SYNC: variants seen among roughly 807,000 people sequenced by gnomAD.
SYNC encodes syncoilin, intermediate filament protein, also known as syncoilin.
Under a neutral mutation model 49.5 loss-of-function variants are expected in SYNC, and 38 were observed. The ratio of observed to expected loss-of-function variants is 0.77; its 90% CI spans 0.59 to 1.01. The LOEUF (loss-of-function observed/expected upper bound fraction) is 1.01, where lower values mean the gene tolerates loss of function less well. Among genes scored for constraint, SYNC ranks in the 50% least tolerant of loss-of-function variants. SYNC has a pLI of 0.00. For missense variants in SYNC, 579 were observed against 580.6 expected, an observed-to-expected ratio of 1.00 and a Z score of 0.03; for synonymous variants, 201 against 230.8, an observed-to-expected ratio of 0.87 and a Z score of 1.17.
chr1:32,687,217 C>A (rs376886371), intron 2 of SYNC, among the ~76,000 whole-genome samples: 11 of 151,784 alleles, frequency 7.2e-5, no homozygotes, highest in African/African-American at 2.7e-4. Flanking sequence ...AAAAATTAGC[C>A]GGGCGTGGTG....
intron 1 of SYNC, among the ~76,000 whole-genome samples, chr1:32,698,512 CTG>C (rs1024750266): frequency 2.6e-5 from 4 of 152,034 alleles, no homozygotes; most frequent in African/African-American, 7.2e-5. Context: ...AAACCAAACT[CTG>C]TATCAAAAAA....
chr1:32,685,383 TAAGG>T (rs1649753524), intron 2 of SYNC: 1 of 152,284 alleles, frequency 6.6e-6, no homozygotes. Flanking sequence ...CATGGATCCT[TAAGG>T]AAGCAGGAGG....
intron 4 of SYNC, 190 bp from the exon 5 acceptor site, chr1:32,682,050 C>T (rs1477384803): frequency 1.7e-5 from 10 of 575,564 alleles, no homozygotes; most frequent in African/African-American, 1.3e-4. Flanking sequence ...GATAGTTAAA[C>T]GTTTTCTCTG....
Position 32,680,699 on chromosome 1 carries a change from C to T in SYNC, c.*1151G>A. ...TTTAGTATAAAACATCCATCAAACA[C>T]CAGTCTCTGGCTTCTAGAAGAGTCC... On this transcript the variant is annotated 3_prime_UTR_variant, in exon 5 of 5. Transcript: ENST00000409190. The T allele has an allele frequency of 1.5e-6, 1 of 657,778 alleles. No homozygotes were observed. Among genetic ancestry groups the T allele is most frequent in the Non-Finnish European group, 2.5e-6 (1 of 398,048 alleles). 40.7% of individuals were successfully genotyped at this position (657,778 alleles called of 1,614,324 possible).
chr1:32,700,739 TTTTATA>T (rs1279427092), intron 1 of SYNC, among the ~76,000 whole-genome samples: 1 of 152,064 alleles, frequency 6.6e-6, no homozygotes, highest in Non-Finnish European at 1.5e-5. Flanking sequence ...ATTATCTCCA[TTTTATA>T]GATGAGGAAG....
intron 4 of SYNC, 23 bp from the exon 5 acceptor site, chr1:32,681,883 T>A: frequency 6.2e-7 from 1 of 1,608,862 alleles, no homozygotes; most frequent in East Asian, 2.2e-5. Context: ...AAGAAAAAGT[T>A]TATAACAGTG....
chr1:32,683,928 CG>C, intron 4 of SYNC, 81 bp downstream of exon 4: 2 of 1,411,972 alleles, frequency 1.4e-6, no homozygotes, highest in Non-Finnish European at 2.0e-6. Context: ...CCACCCCGTC[CG>C]GCCTGTTTTT....
At chr1:32,682,121 G>A in intron 4 of SYNC, 1 of 460,452 alleles carries the variant, frequency 2.2e-6, no homozygotes, top group South Asian at 2.6e-5. Context: ...TCATTTCTTT[G>A]GATTAGTCGT....
chr1:32,694,513 G>A (rs1650310219), intron 2 of SYNC, among the ~76,000 whole-genome samples: 1 of 152,036 alleles, frequency 6.6e-6, no homozygotes, highest in Admixed American at 6.6e-5. Flanking sequence ...AAATAGCCGG[G>A]CATGGTGGTG....
rs948153814 is a variant in SYNC at position 32,681,300 on chromosome 1, C to T, written c.*550G>A. ...GAGTATAGTGAGAAATACCTTGACA[C>T]AATTTTAAGAGTAAACTATATGGGT... On this transcript the variant is annotated 3_prime_UTR_variant, in exon 5 of 5. Coordinates refer to ENST00000409190, the MANE Select transcript of SYNC (RefSeq NM_030786.3). 6.5e-6 allele frequency: 1 copy of T among 152,794 alleles called. No individual in the cohort carries two copies. Among genetic ancestry groups the T allele is most frequent in the South Asian group, 2.1e-4 (1 of 4,874 alleles). 9.5% of individuals were successfully genotyped at this position (152,794 alleles called of 1,614,324 possible). A position where few individuals can be genotyped will look rare whatever the true frequency, so the allele number is the denominator to read the frequency against.
intron 2 of SYNC, among the ~76,000 whole-genome samples, chr1:32,694,158 G>A (rs1650294922): frequency 1.3e-5 from 2 of 152,052 alleles, no homozygotes; most frequent in Non-Finnish European, 2.9e-5. Flanking sequence ...AGCCCAAGAG[G>A]TTTGAGGTGC....
intron 2 of SYNC, among the ~76,000 whole-genome samples, chr1:32,693,350 G>A (rs938168296): frequency 6.6e-6 from 1 of 152,174 alleles, no homozygotes; most frequent in Admixed American, 6.5e-5. Context: ...CAACCAAAGT[G>A]CTGGGATTAC....
chr1:32,695,341 A>T lies in SYNC; in HGVS notation c.757T>A (p.Cys253Ser). The change falls in exon 2 of 5, where the codon TGT becomes AGT. Residue 253 changes from cysteine (C) to serine (S), a missense_variant. Coordinates refer to ENST00000409190, the MANE Select transcript of SYNC (RefSeq NM_030786.3). ...TCCAGCTGGTATTGGTAGGCCACAC[A>T]TTCCTTTGTCACTTTGAAAAGCTTC... ...KQKLFKVTKE[C>S]VAYQYQLECR... is the part of the protein sequence containing the mutation. The T allele has an allele frequency of 6.4e-7, 1 of 1,551,454 alleles. No individual in the cohort carries two copies. The highest frequency in any genetic ancestry group is 8.7e-7 in the Non-Finnish European group (1 of 1,147,038).
intron 2 of SYNC, 146 bp downstream of exon 2, chr1:32,694,719 A>C: frequency 1.3e-6 from 1 of 757,050 alleles, no homozygotes. Context: ...GAATGAATGA[A>C]GAATGGAGAA....
chr1:32,687,356 C>T (rs548239924), intron 2 of SYNC, among the ~76,000 whole-genome samples: 43 of 58,626 alleles, frequency 7.3e-4, no homozygotes, highest in African/African-American at 2.5e-3. Flanking sequence ...AGCGAGACTT[C>T]ATCTCAAAAA....
intron 2 of SYNC, among the ~76,000 whole-genome samples, chr1:32,689,113 A>AT (rs1377545583): frequency 7.0e-6 from 1 of 143,070 alleles, no homozygotes; most frequent in Non-Finnish European, 1.5e-5. Context: ...TAATTTTTGT[A>AT]TTTTTTAGTA....
At position 32,680,122 on chromosome 1, in the gene SYNC, A is replaced by G. The variant is rs1436559945; in HGVS notation, c.*1728T>C. On this transcript the variant is annotated 3_prime_UTR_variant, in exon 5 of 5. Coordinates refer to ENST00000409190, the MANE Select transcript of SYNC (RefSeq NM_030786.3). ...GAAAGATGTCACTTTTATTCAGGAAATAGGGGGAGATTCAAGTCATATAGA... is the reference window on the plus strand; with the variant it reads ...GAAAGATGTCACTTTTATTCAGGAAGTAGGGGGAGATTCAAGTCATATAGA... 2 of 1,067,774 alleles carry G rather than the reference A, an allele frequency of 1.9e-6. No homozygotes were observed. Among genetic ancestry groups the G allele is most frequent in the Non-Finnish European group, 2.3e-6 (2 of 884,256 alleles). The allele number at this position is 1,067,774 out of a possible 1,614,324, so 66.1% of individuals were successfully genotyped here. A position where few individuals can be genotyped will look rare whatever the true frequency, so the allele number is the denominator to read the frequency against.
chr1:32,682,489 T>G (rs988654565), intron 4 of SYNC: 1 of 151,964 alleles, frequency 6.6e-6, no homozygotes, highest in Admixed American at 6.6e-5. Context: ...TAGTTACTTG[T>G]GGGCCAGGCG....
chr1:32,686,686 A>G (rs1404142730), intron 2 of SYNC, among the ~76,000 whole-genome samples: 1 of 152,222 alleles, frequency 6.6e-6, no homozygotes, highest in Non-Finnish European at 1.5e-5. Context: ...ATGTATAGTC[A>G]TGGAATTGTG....
Sources: gnomAD v4.1 joint callset for allele counts (sites outside exome capture counted in the v4.1 genomes callset) on GRCh38, gnomAD v4.1.1 for gene constraint, MANE v1.5 for transcripts, NCBI Gene and HGNC (gene_info 2026-07-23, HGNC 2026-07-21) for gene names.